The following ITFG1 variants were observed in gnomAD, a reference collection of about 807,000 sequenced individuals.
ITFG1 encodes T-cell immunomodulatory protein.
Under a neutral mutation model 81.8 loss-of-function variants are expected in ITFG1, and 34 were observed. The ratio of observed to expected loss-of-function variants is 0.42; its 90% CI spans 0.32 to 0.55. The LOEUF (loss-of-function observed/expected upper bound fraction) is 0.55. Among genes scored for constraint, ITFG1 ranks in the 20% least tolerant of loss-of-function variants. The probability of loss-of-function intolerance (pLI) is 0.17; values close to 1 mark genes in which losing one functional copy is unlikely to be tolerated. For synonymous variants in ITFG1, 285 were observed against 270.6 expected (o/e 1.05, Z -0.52); for missense variants, 672 against 755.4 (o/e 0.89, Z 1.29).
At chr16:47,295,070 G>A (rs1227077315) in intron 10 of ITFG1, among the ~76,000 whole-genome samples, 2 of 151,598 alleles carry the variant, frequency 1.3e-5, no homozygotes, top group African/African-American at 4.9e-5. Flanking sequence ...ATCATGAAGA[G>A]ATGAATTTCA....
At chr16:47,445,643 C>A (rs775321935) in intron 5 of ITFG1, among the ~76,000 whole-genome samples, 4 of 152,164 alleles carry the variant, frequency 2.6e-5, no homozygotes, top group Non-Finnish European at 4.4e-5. Context: ...TCTACTAACT[C>A]CACTTAATCT....
intron 10 of ITFG1, among the ~76,000 whole-genome samples, chr16:47,274,088 C>T (rs146668671): frequency 6.6e-6 from 1 of 152,202 alleles, no homozygotes; most frequent in African/African-American, 2.4e-5. Flanking sequence ...GAAACCCCAT[C>T]TCTACTAAAA....
intron 5 of ITFG1, among the ~76,000 whole-genome samples, chr16:47,442,580 C>A (rs1247991622): frequency 1.3e-5 from 2 of 152,112 alleles, no homozygotes; most frequent in African/African-American, 2.4e-5. Flanking sequence ...AGAACAGAGC[C>A]CTCAGAAATA....
chr16:47,162,787 A>G (rs1484019842), intron 14 of ITFG1, 123 bp from the exon 15 acceptor site: 2 of 834,350 alleles, frequency 2.4e-6, no homozygotes, highest in Admixed American at 3.0e-5. Context: ...AAAATGTGAA[A>G]TGAAAGATAC....
intron 10 of ITFG1, 39 bp downstream of exon 10, chr16:47,311,201 T>C (rs41303621): frequency 8.8e-6 from 13 of 1,472,762 alleles, no homozygotes; most frequent in South Asian, 6.2e-5. Context: ...ATTTCTCACA[T>C]AGTTTACAAA....
chr16:47,268,321 A>G (rs542964785), intron 10 of ITFG1, among the ~76,000 whole-genome samples: 1 of 152,330 alleles, frequency 6.6e-6, no homozygotes, highest in African/African-American at 2.4e-5. Flanking sequence ...GGAAGTCACA[A>G]AACACCAAAG....
intron 14 of ITFG1, among the ~76,000 whole-genome samples, chr16:47,184,607 C>T (rs565915771): frequency 6.6e-6 from 1 of 151,860 alleles, no homozygotes; most frequent in Non-Finnish European, 1.5e-5. Flanking sequence ...CAGGCCTGCC[C>T]TAAAAGAGCT....
intron 8 of ITFG1, among the ~76,000 whole-genome samples, chr16:47,355,552 A>G (rs547880443): frequency 7.8e-4 from 119 of 152,304 alleles, no homozygotes; most frequent in African/African-American, 2.8e-3. Flanking sequence ...CACCACAAAG[A>G]AACGATGCTT....
chr16:47,297,538 C>T (rs1967001506), intron 10 of ITFG1, among the ~76,000 whole-genome samples: 1 of 151,968 alleles, frequency 6.6e-6, no homozygotes, highest in African/African-American at 2.4e-5. Flanking sequence ...GTGACCACTT[C>T]CCTTGATGTT....
chr16:47,182,762 G>A (rs1228594381), intron 14 of ITFG1, among the ~76,000 whole-genome samples: 1 of 152,192 alleles, frequency 6.6e-6, no homozygotes, highest in Admixed American at 6.5e-5. Context: ...GTAGGTGGGA[G>A]GAGCCAAGAT....
chr16:47,408,429 G>A (rs1339998820), intron 6 of ITFG1, among the ~76,000 whole-genome samples: 3 of 152,148 alleles, frequency 2.0e-5, no homozygotes, highest in Middle Eastern at 6.3e-3. Flanking sequence ...TGCTTGGCTT[G>A]ACCAATAAAG....
At chr16:47,411,696 G>A (rs1460423179) in intron 6 of ITFG1, among the ~76,000 whole-genome samples, 4 of 152,040 alleles carry the variant, frequency 2.6e-5, no homozygotes, top group African/African-American at 7.3e-5. Flanking sequence ...GGTACAGCCC[G>A]CCAGGACCCC....
intron 12 of ITFG1, among the ~76,000 whole-genome samples, chr16:47,246,656 C>A (rs1966005436): frequency 6.6e-6 from 1 of 152,156 alleles, no homozygotes; most frequent in South Asian, 2.1e-4. Context: ...GGGTTCTGGG[C>A]TCTGCTAGCT....
At chr16:47,212,771 G>C (rs1431670268) in intron 14 of ITFG1, among the ~76,000 whole-genome samples, 1 of 152,132 alleles carries the variant, frequency 6.6e-6, no homozygotes, top group Non-Finnish European at 1.5e-5. Context: ...TCCACAGTGA[G>C]TCATCTGATT....
At chr16:47,221,274 T>C (rs1242175595) in intron 13 of ITFG1, among the ~76,000 whole-genome samples, 1 of 152,196 alleles carries the variant, frequency 6.6e-6, no homozygotes, top group Non-Finnish European at 1.5e-5. Flanking sequence ...ACCTAATTTA[T>C]TGAGAGTTTT....
intron 10 of ITFG1, among the ~76,000 whole-genome samples, chr16:47,267,378 G>A (rs1966289086): frequency 6.6e-6 from 1 of 152,140 alleles, no homozygotes; most frequent in Non-Finnish European, 1.5e-5. Context: ...AATCCTAAAT[G>A]TTTATAGGCC....
chr16:47,319,652 C>G (rs904532852), intron 8 of ITFG1, among the ~76,000 whole-genome samples: 1 of 152,092 alleles, frequency 6.6e-6, no homozygotes, highest in Admixed American at 6.6e-5. Context: ...AAACTGACCA[C>G]GTTTCTTGTT....
intron 13 of ITFG1, among the ~76,000 whole-genome samples, chr16:47,234,470 A>G (rs1215311963): frequency 2.6e-5 from 4 of 152,200 alleles, no homozygotes; most frequent in Non-Finnish European, 4.4e-5. Flanking sequence ...GAAAGAGAGA[A>G]AGGCAAAAGA....
At chr16:47,400,457 T>TACACACACACAC (rs111375193) in intron 6 of ITFG1, among the ~76,000 whole-genome samples, 6 of 137,044 alleles carry the variant, frequency 4.4e-5, no homozygotes, top group African/African-American at 1.6e-4. Flanking sequence ...AGAGTCACTT[T>TACACACACACAC]ACACACACAC....
Sources: allele counts gnomAD v4.1 joint callset (sites outside exome capture counted in the v4.1 genomes callset), GRCh38; gene constraint gnomAD v4.1.1; transcripts MANE v1.5; gene names NCBI Gene and HGNC (gene_info 2026-07-23, HGNC 2026-07-21).